CORIN: variants seen among roughly 807,000 people sequenced by gnomAD.
The protein encoded by CORIN is atrial natriuretic peptide-converting enzyme.
A neutral mutation model predicts 125.3 loss-of-function variants in CORIN; 117 were observed. The ratio of observed to expected loss-of-function variants is 0.93; its 90% CI spans 0.80 to 1.09. The LOEUF (loss-of-function observed/expected upper bound fraction) is 1.09. Ranked by LOEUF, CORIN falls within the 50% of genes least tolerant of loss-of-function variation. The pLI is 0.00. For synonymous variants in CORIN, 450 were observed against 466.4 expected (o/e 0.96, Z 0.45); for missense variants, 1,253 against 1,306.7 (o/e 0.96, Z 0.63).
At chr4:47,639,094 C>A (rs891423112) in intron 16 of CORIN, among the ~76,000 whole-genome samples, 1 of 152,104 alleles carries the variant, frequency 6.6e-6, no homozygotes, top group African/African-American at 2.4e-5. Flanking sequence ...CCAAAATATA[C>A]CCCCTGAAGT....
chr4:47,804,629 C>G (rs1731686452), intron 2 of CORIN, among the ~76,000 whole-genome samples: 1 of 148,784 alleles, frequency 6.7e-6, no homozygotes, highest in South Asian at 2.2e-4. Context: ...TTCACATGTT[C>G]TCACTTATTT....
chr4:47,807,057 A>T lies in CORIN; in HGVS notation c.64-10T>A, dbSNP rs538716396. On this transcript the variant is annotated splice_polypyrimidine_tract_variant and intron_variant, in intron 1 of 21. Transcript: ENST00000273857. ...CATCAGCTCTCAAGACCTAAAGTAA[A>T]AGAGGAAAATGCAACATGGTTTTAG... is the stretch of plus-strand genomic sequence containing the variant. The T allele has an allele frequency of 4.4e-6, 7 of 1,602,312 alleles. No individual in the cohort carries two copies. The South Asian group carries it at 6.8e-5, about 15-fold the overall frequency.
intron 2 of CORIN, among the ~76,000 whole-genome samples, chr4:47,794,137 T>G (rs1731193635): frequency 6.6e-6 from 1 of 152,190 alleles, no homozygotes; most frequent in Non-Finnish European, 1.5e-5. Flanking sequence ...ATAGAGAATC[T>G]TAAATTTTGG....
chr4:47,710,586 C>T (rs998544660), intron 5 of CORIN, among the ~76,000 whole-genome samples: 1 of 152,232 alleles, frequency 6.6e-6, no homozygotes, highest in African/African-American at 2.4e-5. Context: ...GGTACCAGTG[C>T]TGCCCCCCTA....
At chr4:47,714,150 G>A (rs747584542) in intron 5 of CORIN, among the ~76,000 whole-genome samples, 8 of 152,120 alleles carry the variant, frequency 5.3e-5, no homozygotes, top group Non-Finnish European at 7.4e-5. Flanking sequence ...ACAATGCAGA[G>A]TTATTTTAAA....
intron 4 of CORIN, among the ~76,000 whole-genome samples, chr4:47,750,244 G>T (rs1728839118): frequency 6.6e-6 from 1 of 152,168 alleles, no homozygotes; most frequent in Non-Finnish European, 1.5e-5. Context: ...GGCTTCTTTG[G>T]TTTCTACTCC....
At chr4:47,732,518 G>A (rs543960305) in intron 5 of CORIN, among the ~76,000 whole-genome samples, 2 of 151,890 alleles carry the variant, frequency 1.3e-5, no homozygotes, top group East Asian at 3.9e-4. Context: ...ATTTTCCCAT[G>A]GGATTGCTCC....
intron 17 of CORIN, among the ~76,000 whole-genome samples, chr4:47,624,767 C>G (rs533059812): frequency 6.6e-6 from 1 of 151,946 alleles, no homozygotes; most frequent in African/African-American, 2.4e-5. Flanking sequence ...TCTCTTCCAA[C>G]CATGAAACAT....
chr4:47,750,788 C>G (rs1444098348), intron 4 of CORIN, among the ~76,000 whole-genome samples: 1 of 152,168 alleles, frequency 6.6e-6, no homozygotes, highest in East Asian at 1.9e-4. Flanking sequence ...CTGAACCCAA[C>G]AGGAAGCTAG....
rs181897038 is a variant in CORIN, at chr4:47,656,387, C to G, written c.1736-2727G>C. Among the ~76,000 whole-genome samples the G allele has an allele frequency of 1.4e-4, 22 of 152,228 alleles. No individual in the cohort carries two copies. In the East Asian group the frequency reaches 4.2e-3, roughly 29 times the overall value. On this transcript the variant is annotated intron_variant, in intron 12 of 21. Coordinates refer to ENST00000273857, the MANE Select transcript of CORIN (RefSeq NM_006587.4). ...GCAAGGCTGGTCTTGAACTCCCAAC[C>G]TCAGGTGATCCACCCACCTCAGCCT...
chr4:47,652,448 G>C (rs753363175), intron 13 of CORIN, among the ~76,000 whole-genome samples: 2 of 152,222 alleles, frequency 1.3e-5, no homozygotes, highest in East Asian at 3.8e-4. Context: ...TTACGTGCTT[G>C]TCATGAAAGT....
chr4:47,727,157 A>C (rs2109807173), intron 5 of CORIN, among the ~76,000 whole-genome samples: 1 of 152,194 alleles, frequency 6.6e-6, no homozygotes, highest in Middle Eastern at 3.4e-3. Context: ...CTAATCATTA[A>C]AAATAATTTT....
chr4:47,765,450 T>C (rs1046842307), intron 3 of CORIN, among the ~76,000 whole-genome samples: 1 of 152,204 alleles, frequency 6.6e-6, no homozygotes, highest in Non-Finnish European at 1.5e-5. Flanking sequence ...AATAAATATT[T>C]GGACTGTTTT....
intron 5 of CORIN, among the ~76,000 whole-genome samples, chr4:47,709,618 T>C (rs1354790483): frequency 6.6e-6 from 1 of 152,160 alleles, no homozygotes; most frequent in Non-Finnish European, 1.5e-5. Flanking sequence ...TACTAAAATA[T>C]AAATATGTTT....
intron 10 of CORIN, among the ~76,000 whole-genome samples, chr4:47,672,630 G>T (rs1560499261): frequency 1.3e-5 from 2 of 152,042 alleles, no homozygotes; most frequent in African/African-American, 2.4e-5. Flanking sequence ...GTGTGTGTGT[G>T]TGTGTATATA....
intron 1 of CORIN, among the ~76,000 whole-genome samples, chr4:47,820,679 C>T (rs908666802): frequency 1.3e-5 from 2 of 151,654 alleles, no homozygotes; most frequent in African/African-American, 2.4e-5. Flanking sequence ...GCCCCCTGCC[C>T]GAAAAATGAG....
intron 3 of CORIN, among the ~76,000 whole-genome samples, chr4:47,765,243 G>A (rs918915884): frequency 5.3e-5 from 8 of 151,880 alleles, no homozygotes; most frequent in Non-Finnish European, 1.0e-4. Flanking sequence ...CCCGGGAGGC[G>A]GAGCTTGTAG....
intron 2 of CORIN, among the ~76,000 whole-genome samples, chr4:47,787,652 C>T (rs1730880953): frequency 6.6e-6 from 1 of 152,002 alleles, no homozygotes; most frequent in African/African-American, 2.4e-5. Context: ...TATTGGGGAA[C>T]AGGTGGTGTT....
chr4:47,709,135 T>G (rs542001676), intron 5 of CORIN, among the ~76,000 whole-genome samples: 3 of 152,042 alleles, frequency 2.0e-5, no homozygotes, highest in Non-Finnish European at 4.4e-5. Context: ...GAGCAATATA[T>G]TTCAGGACAA....
Sources: allele counts gnomAD v4.1 joint callset (sites outside exome capture counted in the v4.1 genomes callset), GRCh38; gene constraint gnomAD v4.1.1; transcripts MANE v1.5; gene names NCBI Gene and HGNC (gene_info 2026-07-23, HGNC 2026-07-21).